PRKCB: variants seen among roughly 807,000 people sequenced by gnomAD.
PRKCB encodes protein kinase C beta type.
In PRKCB, 13 loss-of-function variants were observed where a neutral mutation model predicts 81.5. That is an observed-to-expected ratio of 0.16 (90% CI 0.10 to 0.25). PRKCB has a LOEUF of 0.25. Ranked by LOEUF, PRKCB falls within the 10% of genes least tolerant of loss-of-function variation. PRKCB has a pLI of 1.00. For synonymous variants in PRKCB, 335 were observed against 321.4 expected (o/e 1.04, Z -0.45); for missense variants, 509 against 875.7 (o/e 0.58, Z 5.29).
chr16:23,838,873 C>G (rs866281669), intron 2 of PRKCB, among the ~76,000 whole-genome samples: 1 of 152,204 alleles, frequency 6.6e-6, no homozygotes, highest in Non-Finnish European at 1.5e-5. Flanking sequence ...CAGAGGACTC[C>G]TCAAGTCTCT....
At chr16:23,953,266 G>A (rs1341148074) in intron 2 of PRKCB, among the ~76,000 whole-genome samples, 1 of 152,112 alleles carries the variant, frequency 6.6e-6, no homozygotes, top group Non-Finnish European at 1.5e-5. Flanking sequence ...TGTCTACCGG[G>A]GTTTTATTTT....
In PRKCB at chr16:24,021,293, CCCTTCCTTCCTTCCTT is replaced by C. The variant is rs1157671937; in HGVS notation, c.289-10795_289-10780del. On this transcript the variant is annotated intron_variant, in intron 3 of 16. Transcript: ENST00000643927. ...TTTTCTTTCTTTTCTCCCTCTCCCT[CCCTTCCTTCCTTCCTT>C]CCTTCCTTCCTTCCTTCCTTCCTTC... is the stretch of plus-strand genomic sequence containing the variant. Among the ~76,000 whole-genome samples, 33 of 18,384 alleles carry C rather than the reference CCCTTCCTTCCTTCCTT, an allele frequency of 1.8e-3. 2 individuals are homozygous for C. The highest frequency in any genetic ancestry group is 8.2e-3 in the African/African-American group (28 of 3,398). The allele number at this position is 18,384 out of a possible 152,430, so 12.1% of individuals were successfully genotyped here.
rs71154285 is a variant in PRKCB, at chr16:24,165,883, CTTTTTTTTTTT to C, written c.1240-6374_1240-6364del. 7.7e-3 allele frequency among the ~76,000 whole-genome samples: 722 copies of C among 94,012 alleles called. 4 individuals carry two copies. The highest frequency in any genetic ancestry group is 0.026 in the African/African-American group (678 of 26,376). The allele number at this position is 94,012 out of a possible 152,430, so 61.7% of individuals were successfully genotyped here. A position where few individuals can be genotyped will look rare whatever the true frequency, so the allele number is the denominator to read the frequency against. ...AAAGATTTTTTTCTTTTCTTTCTTT[CTTTTTTTTTTT>C]TTTTTTTTTTTTGACACAGGGTCTC... is the stretch of plus-strand genomic sequence containing the variant. On this transcript the variant is annotated intron_variant, in intron 10 of 16. Coordinates refer to ENST00000643927, the MANE Select transcript of PRKCB (RefSeq NM_002738.7).
chr16:23,900,184 T>C (rs1007896413), intron 2 of PRKCB, among the ~76,000 whole-genome samples: 2 of 152,146 alleles, frequency 1.3e-5, no homozygotes, highest in Non-Finnish European at 2.9e-5. Context: ...CAACAAAGAA[T>C]TGACCAGTCC....
intron 15 of PRKCB, among the ~76,000 whole-genome samples, chr16:24,190,214 A>G (rs1046060826): frequency 6.6e-6 from 1 of 152,188 alleles, no homozygotes; most frequent in Non-Finnish European, 1.5e-5. Flanking sequence ...TTGACTATTT[A>G]ATGGGCTTTC....
intron 2 of PRKCB, among the ~76,000 whole-genome samples, chr16:23,910,523 C>T (rs576152132): frequency 2.2e-4 from 33 of 152,200 alleles, no homozygotes; most frequent in South Asian, 1.4e-3. Flanking sequence ...AGGCTCGGGC[C>T]GTTAGGCAAT....
At chr16:23,963,619 G>C (rs1304769508) in intron 2 of PRKCB, 3 of 152,158 alleles carry the variant, frequency 2.0e-5, no homozygotes, top group Non-Finnish European at 4.4e-5. Context: ...TCCTGTAGTT[G>C]GAGGTGATCT....
At chr16:23,989,986 A>G (rs550768591) in intron 3 of PRKCB, among the ~76,000 whole-genome samples, 1 of 152,260 alleles carries the variant, frequency 6.6e-6, no homozygotes, top group East Asian at 1.9e-4. Context: ...GCATTTTTGT[A>G]CAAGGATATA....
At chr16:23,860,819 A>G (rs891931189) in intron 2 of PRKCB, among the ~76,000 whole-genome samples, 1 of 152,112 alleles carries the variant, frequency 6.6e-6, no homozygotes, top group African/African-American at 2.4e-5. Flanking sequence ...AGGCAGGAGA[A>G]TTGCTTGGAC....
At chr16:23,980,993 C>T (rs2141813465) in intron 2 of PRKCB, among the ~76,000 whole-genome samples, 1 of 152,100 alleles carries the variant, frequency 6.6e-6, no homozygotes, top group East Asian at 1.9e-4. Context: ...CTACAGTCTA[C>T]TCCTTCCATC....
At chr16:24,024,521 T>C (rs1156257723) in intron 3 of PRKCB, among the ~76,000 whole-genome samples, 1 of 152,252 alleles carries the variant, frequency 6.6e-6, no homozygotes, top group African/African-American at 2.4e-5. Context: ...TATGTTAATT[T>C]TCTTGATTTA....
intron 2 of PRKCB, among the ~76,000 whole-genome samples, chr16:23,899,813 ATTTATTTATTTATTT>A (rs1963441308): frequency 6.1e-5 from 2 of 33,040 alleles, no homozygotes; most frequent in African/African-American, 4.3e-4. Flanking sequence ...AATAAAATTT[ATTTATTTATTTATTT>A]ATTTATTTAT....
intron 2 of PRKCB, among the ~76,000 whole-genome samples, chr16:23,982,120 TCCCCTTCCCTTCCCTTTCCCTTC>T (rs1964737239): frequency 2.4e-5 from 1 of 40,958 alleles, no homozygotes. Context: ...CCCTTTCCCT[TCCCCTTCCCTTCCCTTTCCCTTC>T]CCTTTCCCTT....
chr16:23,965,030 G>C (rs1220226608), intron 2 of PRKCB, among the ~76,000 whole-genome samples: 1 of 152,126 alleles, frequency 6.6e-6, no homozygotes, highest in African/African-American at 2.4e-5. Flanking sequence ...TCAGGTTCAG[G>C]GGGTACATGT....
chr16:23,878,910 T>C (rs1285307395), intron 2 of PRKCB, among the ~76,000 whole-genome samples: 2 of 152,036 alleles, frequency 1.3e-5, no homozygotes, highest in African/African-American at 4.8e-5. Context: ...GTGGTGGTGG[T>C]TCATGCTGTA....
At chr16:24,051,429 G>T (rs1412922751) in intron 5 of PRKCB, among the ~76,000 whole-genome samples, 1 of 152,180 alleles carries the variant, frequency 6.6e-6, no homozygotes, top group Non-Finnish European at 1.5e-5. Flanking sequence ...CCATGAAGGA[G>T]TTGGTTGGAG....
At chr16:24,087,958 T>C (rs902910120) in intron 5 of PRKCB, among the ~76,000 whole-genome samples, 3 of 152,192 alleles carry the variant, frequency 2.0e-5, no homozygotes, top group African/African-American at 7.2e-5. Context: ...CTTTGCAAAC[T>C]TCCACCAGTG....
At chr16:24,075,889 T>C (rs1966170514) in intron 5 of PRKCB, among the ~76,000 whole-genome samples, 1 of 152,224 alleles carries the variant, frequency 6.6e-6, no homozygotes, top group Non-Finnish European at 1.5e-5. Flanking sequence ...GGTTGCTGGG[T>C]TCCATCCTCA....
At chr16:24,131,171 A>G (rs1478945057) in intron 9 of PRKCB, among the ~76,000 whole-genome samples, 1 of 152,260 alleles carries the variant, frequency 6.6e-6, no homozygotes, top group African/African-American at 2.4e-5. Flanking sequence ...TGAAGTTACT[A>G]TAGAAACTAG....
Sources: allele counts gnomAD v4.1 joint callset (sites outside exome capture counted in the v4.1 genomes callset), GRCh38; gene constraint gnomAD v4.1.1; transcripts MANE v1.5; gene names NCBI Gene and HGNC (gene_info 2026-07-23, HGNC 2026-07-21).